FMN1: variants seen among roughly 807,000 people sequenced by gnomAD.
FMN1 encodes the protein formin-1.
Under a neutral mutation model 132.4 loss-of-function variants are expected in FMN1, and 110 were observed. The ratio of observed to expected loss-of-function variants is 0.83; its 90% CI spans 0.71 to 0.97. The LOEUF is 0.97. FMN1 is among the 50% of genes least tolerant of loss of function. The pLI is 0.00. For synonymous variants in FMN1, 722 were observed against 651.7 expected, an observed-to-expected ratio of 1.11 and a Z score of -1.64; for missense variants, 1,792 against 1,705.3, an observed-to-expected ratio of 1.05 and a Z score of -0.90.
At chr15:33,033,427 C>T (rs1431235543) in intron 6 of FMN1, among the ~76,000 whole-genome samples, 1 of 152,150 alleles carries the variant, frequency 6.6e-6, no homozygotes, top group East Asian at 1.9e-4. Context: ...GTCCTTGGAC[C>T]TATTACTAGA....
intron 2 of FMN1, among the ~76,000 whole-genome samples, chr15:33,193,476 A>T (rs1476813306): frequency 6.6e-6 from 1 of 152,126 alleles, no homozygotes; most frequent in African/African-American, 2.4e-5. Context: ...AGATGATGGC[A>T]CATGTCCCAT....
At chr15:32,911,097 C>T (rs2060550625) in intron 10 of FMN1, among the ~76,000 whole-genome samples, 1 of 152,152 alleles carries the variant, frequency 6.6e-6, no homozygotes, top group Non-Finnish European at 1.5e-5. Flanking sequence ...TCCCATGAGC[C>T]AGTCTTCAGG....
intron 17 of FMN1, among the ~76,000 whole-genome samples, chr15:32,848,378 T>C (rs146182564): frequency 2.4e-4 from 37 of 152,324 alleles, no homozygotes; most frequent in Non-Finnish European, 4.7e-4. Context: ...TAGACTGTCT[T>C]GAGCTCTCAA....
intron 6 of FMN1, among the ~76,000 whole-genome samples, chr15:33,018,996 T>C (rs1378774671): frequency 6.6e-6 from 1 of 152,186 alleles, no homozygotes; most frequent in East Asian, 1.9e-4. Context: ...GCAAGATTTA[T>C]TGCAGAGTTA....
intron 9 of FMN1, among the ~76,000 whole-genome samples, chr15:32,928,477 A>G (rs1394711061): frequency 6.6e-6 from 1 of 152,234 alleles, no homozygotes; most frequent in African/African-American, 2.4e-5. Context: ...CCATTCAAAA[A>G]ATATTTACTG....
chr15:32,990,815 G>A (rs1211815811), intron 7 of FMN1, among the ~76,000 whole-genome samples: 3 of 152,124 alleles, frequency 2.0e-5, no homozygotes, highest in African/African-American at 4.8e-5. Context: ...GTGGCAGGAA[G>A]GAGAAGAATG....
chr15:32,890,416 G>A (rs956451204), intron 15 of FMN1, among the ~76,000 whole-genome samples: 1 of 151,936 alleles, frequency 6.6e-6, no homozygotes, highest in Non-Finnish European at 1.5e-5. Flanking sequence ...CCTGATCATG[G>A]CATCCATGCC....
chr15:33,169,937 G>A (rs781476469), intron 3 of FMN1, among the ~76,000 whole-genome samples: 4 of 152,012 alleles, frequency 2.6e-5, no homozygotes, highest in African/African-American at 4.8e-5. Flanking sequence ...TGATTCTGCA[G>A]AGATTAAGAG....
At chr15:33,165,159 G>A (rs553134054) in intron 3 of FMN1, among the ~76,000 whole-genome samples, 2 of 152,310 alleles carry the variant, frequency 1.3e-5, no homozygotes, top group East Asian at 3.9e-4. Context: ...CTCGCTAAAG[G>A]TGGGCTTAGT....
chr15:33,033,933 A>G (rs775697189), intron 6 of FMN1, among the ~76,000 whole-genome samples: 14 of 152,004 alleles, frequency 9.2e-5, no homozygotes, highest in African/African-American at 1.2e-4. Flanking sequence ...GTAGTCTCTT[A>G]GTTCTCCTCC....
chr15:33,130,750 G>C (rs187441357), intron 4 of FMN1, among the ~76,000 whole-genome samples: 89 of 152,194 alleles, frequency 5.8e-4, no homozygotes, highest in African/African-American at 2.1e-3. Context: ...GTCTGTATTC[G>C]TTTCAGAGTC....
At chr15:32,789,117 ACT>A (rs2056979898) in intron 19 of FMN1, among the ~76,000 whole-genome samples, 1 of 152,220 alleles carries the variant, frequency 6.6e-6, no homozygotes, top group South Asian at 2.1e-4. Context: ...ACAAATACTA[ACT>A]CAGCATCTAC....
At chr15:32,869,029 A>G (rs2059455879) in intron 16 of FMN1, among the ~76,000 whole-genome samples, 1 of 152,190 alleles carries the variant, frequency 6.6e-6, no homozygotes, top group Non-Finnish European at 1.5e-5. Context: ...GAGAAAACTT[A>G]TGAGTTGAAC....
intron 3 of FMN1, among the ~76,000 whole-genome samples, chr15:33,170,254 T>C (rs779497057): frequency 1.3e-5 from 2 of 151,988 alleles, no homozygotes; most frequent in African/African-American, 2.4e-5. Flanking sequence ...TCTCTTGACA[T>C]AAACAAAAAA....
intron 6 of FMN1, 35 bp downstream of exon 6, chr15:33,064,922 T>G (rs2037650672): frequency 6.9e-7 from 1 of 1,457,842 alleles, no homozygotes; most frequent in Non-Finnish European, 9.6e-7. Context: ...CAGGAAGAGA[T>G]TCATTCCCGG....
At chr15:32,888,052 T>C (rs2059935980) in intron 16 of FMN1, 120 bp downstream of exon 16, 4 of 738,000 alleles carry the variant, frequency 5.4e-6, no homozygotes, top group African/African-American at 3.5e-5. Flanking sequence ...AAAGCTGTAG[T>C]GTACCATTGC....
At chr15:33,036,297 A>C (rs1001988928) in intron 6 of FMN1, among the ~76,000 whole-genome samples, 5 of 145,480 alleles carry the variant, frequency 3.4e-5, no homozygotes, top group Non-Finnish European at 7.6e-5. Context: ...AATACTTCTT[A>C]ATAAATGTAT....
chr15:32,960,214 T>C (rs2030350701), intron 9 of FMN1, among the ~76,000 whole-genome samples: 2 of 152,194 alleles, frequency 1.3e-5, no homozygotes, highest in South Asian at 2.1e-4. Context: ...GCTATAAAGA[T>C]ACTACCAACA....
chr15:32,982,645 A>G (rs1305985596), intron 7 of FMN1, among the ~76,000 whole-genome samples: 1 of 152,138 alleles, frequency 6.6e-6, no homozygotes, highest in African/African-American at 2.4e-5. Context: ...TGCCCTCCCT[A>G]ATGTAGGTGG....
Sources: gnomAD v4.1 joint callset for allele counts (sites outside exome capture counted in the v4.1 genomes callset) on GRCh38, gnomAD v4.1.1 for gene constraint, MANE v1.5 for transcripts, NCBI Gene and HGNC (gene_info 2026-07-23, HGNC 2026-07-21) for gene names.